The following MYCBP2 variants were observed in gnomAD, a reference collection of about 807,000 sequenced individuals.
The protein encoded by MYCBP2 is MYC binding protein 2.
MYCBP2 carries 120 observed loss-of-function variants against 525.3 expected under a neutral mutation model. The observed-to-expected ratio is 0.23, with a 90% CI of 0.20 to 0.27. The LOEUF is 0.27. Among genes scored for constraint, MYCBP2 ranks in the 10% least tolerant of loss-of-function variants. MYCBP2 has a pLI of 1.00. For missense variants in MYCBP2, 4,149 were observed against 5,657.1 expected (o/e 0.73, Z 8.55); for synonymous variants, 1,894 against 1,955.8 (o/e 0.97, Z 0.83).
intron 17 of MYCBP2, among the ~76,000 whole-genome samples, chr13:77,233,543 TA>T (rs536879542): frequency 7.1e-4 from 108 of 151,748 alleles, no homozygotes; most frequent in African/African-American, 2.2e-3. Flanking sequence ...CTCAAATAGA[TA>T]ATCAAGAAGT....
intron 27 of MYCBP2, among the ~76,000 whole-genome samples, chr13:77,193,355 ATT>A (rs972286463): frequency 2.0e-5 from 3 of 152,142 alleles, no homozygotes; most frequent in Non-Finnish European, 4.4e-5. Context: ...TTTCAAAAGT[ATT>A]TATATCTTGT....
intron 50 of MYCBP2, 62 bp from the exon 51 acceptor site, chr13:77,140,225 G>T (rs2054393883): frequency 2.8e-6 from 3 of 1,053,322 alleles, no homozygotes; most frequent in African/African-American, 1.6e-5. Context: ...CTTACAAGTA[G>T]CAAGAAGTAA....
At chr13:77,060,947 C>T (rs1384916542) in intron 76 of MYCBP2, among the ~76,000 whole-genome samples, 3 of 152,092 alleles carry the variant, frequency 2.0e-5, no homozygotes, top group Non-Finnish European at 4.4e-5. Flanking sequence ...GTGACTTGCT[C>T]GACACCACAC....
At chr13:77,318,450 C>T (rs1567246232) in intron 1 of MYCBP2, among the ~76,000 whole-genome samples, 1 of 152,252 alleles carries the variant, frequency 6.6e-6, no homozygotes, top group East Asian at 1.9e-4. Context: ...ATTTTTATTT[C>T]CTTCTTAAAA....
intron 73 of MYCBP2, among the ~76,000 whole-genome samples, chr13:77,064,121 C>T (rs2039806861): frequency 6.6e-6 from 1 of 152,148 alleles, no homozygotes; most frequent in Non-Finnish European, 1.5e-5. Flanking sequence ...CTCATTTCCT[C>T]AAAGATTTCC....
intron 3 of MYCBP2, among the ~76,000 whole-genome samples, chr13:77,287,101 A>G (rs1394698443): frequency 1.3e-5 from 2 of 149,932 alleles, no homozygotes; most frequent in Admixed American, 1.3e-4. Flanking sequence ...GTTAGCCAGG[A>G]TGGTCTCGAT....
intron 52 of MYCBP2, among the ~76,000 whole-genome samples, chr13:77,134,550 A>C (rs2053437004): frequency 6.6e-6 from 1 of 151,330 alleles, no homozygotes; most frequent in Non-Finnish European, 1.5e-5. Context: ...CAAACAAACA[A>C]AAAACAAAAC....
chr13:77,172,648 A>G (rs1392071905), intron 37 of MYCBP2, among the ~76,000 whole-genome samples: 2 of 152,232 alleles, frequency 1.3e-5, no homozygotes, highest in Non-Finnish European at 2.9e-5. Flanking sequence ...TTAGAAGTAC[A>G]GCTGACAGGA....
At chr13:77,215,699 A>G (rs957300969) in intron 21 of MYCBP2, among the ~76,000 whole-genome samples, 4 of 151,984 alleles carry the variant, frequency 2.6e-5, no homozygotes, top group African/African-American at 9.7e-5. Context: ...TGATCCTCCT[A>G]CCTCAACCTC....
intron 39 of MYCBP2, 114 bp downstream of exon 39, chr13:77,169,500 C>A: frequency 1.3e-6 from 1 of 743,604 alleles, no homozygotes; most frequent in Non-Finnish European, 2.3e-6. Flanking sequence ...CTGCTTGTTA[C>A]CTATATCCCA....
intron 52 of MYCBP2, among the ~76,000 whole-genome samples, chr13:77,130,145 T>C (rs376901350): frequency 2.6e-5 from 4 of 151,794 alleles, no homozygotes; most frequent in East Asian, 1.9e-4. Flanking sequence ...TGAGTAGCAA[T>C]TGCACAATTT....
chr13:77,297,083 C>T (rs993279492), intron 1 of MYCBP2, among the ~76,000 whole-genome samples: 4 of 152,170 alleles, frequency 2.6e-5, no homozygotes, highest in African/African-American at 9.7e-5. Flanking sequence ...CCACTTTTTA[C>T]TAAACTACTA....
intron 82 of MYCBP2, among the ~76,000 whole-genome samples, chr13:77,050,651 TAA>T (rs58763547): frequency 2.5e-4 from 36 of 144,114 alleles, no homozygotes; most frequent in African/African-American, 3.3e-4. Context: ...CAGGCTTCGT[TAA>T]AAAAAAAAAA....
chr13:77,069,692 TAAAAAAA>T (rs752290620), intron 69 of MYCBP2, among the ~76,000 whole-genome samples: 4 of 70,350 alleles, frequency 5.7e-5, no homozygotes, highest in African/African-American at 1.6e-4. Context: ...CCGTCTGTAC[TAAAAAAA>T]AAAAAAAAAA....
At chr13:77,306,158 G>A (rs1441354601) in intron 1 of MYCBP2, among the ~76,000 whole-genome samples, 1 of 151,860 alleles carries the variant, frequency 6.6e-6, no homozygotes, top group Non-Finnish European at 1.5e-5. Flanking sequence ...AATTAACAAG[G>A]GAATTATCAA....
At chr13:77,186,802 A>AT (rs5804893) in intron 30 of MYCBP2, among the ~76,000 whole-genome samples, 70,601 of 120,436 alleles carry the variant, frequency 0.59, 23,434 homozygotes, top group Non-Finnish European at 0.73. Flanking sequence ...TATAGATTCA[A>AT]TTTTTTTTTT....
chr13:77,140,906 T>C lies in MYCBP2; in HGVS notation c.7341A>G (p.Lys2447=). Residue 2447 remains lysine, a synonymous_variant, in exon 50 of 83, where the codon AAA becomes AAG. Coordinates refer to ENST00000544440, the MANE Select transcript of MYCBP2 (RefSeq NM_015057.5). ...ACTGAGTTCCTGGTGGTATCATCCC[T>C]TTTGGTGGGTCTTTTACTTTTACTT... is the stretch of plus-strand genomic sequence containing the variant. ...GLEVKVKDPP[K]GMIPPGTQLV... 1 of 1,612,220 alleles carries C rather than the reference T, an allele frequency of 6.2e-7. No homozygotes were observed. Among genetic ancestry groups the C allele is most frequent in the Admixed American group, 1.7e-5 (1 of 59,538 alleles).
Position 77,093,186 on chromosome 13 carries a change from T to C in MYCBP2, c.10346A>G (p.Asn3449Ser), listed in dbSNP as rs769780314. The part of the protein sequence containing the change: ...SPNVFEEPES[N>S]MKSMPPSLET... ...ATACCTTGGTGGCATAGACTTCATA[T>C]TGCTCTCTGGCTCTTCAAATACATT... Residue 3449 changes from asparagine to serine, a missense_variant, in exon 59 of 83, where the codon AAT becomes AGT. This residue lies in a region of MYCBP2 where 509 missense variants were observed against 789.4 expected (regional missense o/e 0.64). Coordinates refer to ENST00000544440, the MANE Select transcript of MYCBP2 (RefSeq NM_015057.5). 1.2e-6 allele frequency: 2 copies of C among 1,611,708 alleles called. No individual in the cohort carries two copies. The highest frequency in any genetic ancestry group is 8.5e-7 in the Non-Finnish European group (1 of 1,178,974).
At chr13:77,129,995 A>G (rs536005958) in intron 52 of MYCBP2, among the ~76,000 whole-genome samples, 1 of 152,036 alleles carries the variant, frequency 6.6e-6, no homozygotes, top group Admixed American at 6.6e-5. Flanking sequence ...TTAAGGAACA[A>G]TTAATTCACA....
Sources: allele counts gnomAD v4.1 joint callset (sites outside exome capture counted in the v4.1 genomes callset), GRCh38; gene constraint gnomAD v4.1.1; regional missense constraint gnomAD v4.1.1; transcripts MANE v1.5; gene names NCBI Gene and HGNC (gene_info 2026-07-23, HGNC 2026-07-21).